The following KRT6A variants were observed in gnomAD, a reference collection of about 807,000 sequenced individuals.
The protein encoded by KRT6A is keratin, type II cytoskeletal 6A.
Under a neutral mutation model 48.6 loss-of-function variants are expected in KRT6A, and 28 were observed. The ratio of observed to expected loss-of-function variants is 0.58; its 90% CI spans 0.43 to 0.79. KRT6A has a LOEUF of 0.79. KRT6A is among the 30% of genes least tolerant of loss of function. The pLI, the probability that KRT6A is intolerant of heterozygous loss-of-function variation, is 0.00. For synonymous variants in KRT6A, 301 were observed against 294.2 expected (o/e 1.02, Z -0.24); for missense variants, 687 against 724.3 (o/e 0.95, Z 0.59).
Position 52,488,108 on chromosome 12 carries a change from G to A in KRT6A, c.1425-5C>T, listed in dbSNP as rs1275995998. Reference sequence around the variant, plus strand: ...CCAACGCCTTCGCCATTCAGCCTGTGGAGAGGAACACAGGGAGGGTGAGAC... The same window carrying A: ...CCAACGCCTTCGCCATTCAGCCTGTAGAGAGGAACACAGGGAGGGTGAGAC... On this transcript the variant is annotated splice_region_variant and splice_polypyrimidine_tract_variant and intron_variant, in intron 7 of 8. Transcript: ENST00000330722. The A allele has an allele frequency of 1.1e-5, 17 of 1,613,912 alleles. No homozygotes were observed. Among genetic ancestry groups the A allele is most frequent in the Admixed American group, 8.3e-5 (5 of 60,000 alleles).
chr12:52,492,719 T>C lies in KRT6A; in HGVS notation c.470A>G (p.Gln157Arg), dbSNP rs769144066. The C allele has an allele frequency of 6.2e-7, 1 of 1,613,966 alleles. No individual in the cohort carries two copies. Among genetic ancestry groups the C allele is most frequent in the South Asian group, 1.1e-5 (1 of 91,044 alleles). The part of the protein sequence containing the change: ...PLNLQIDPTI[Q>R]RVRAEEREQI... ...TTCACGCTCCTCAGCCCGCACCCGC[T>C]GGATGGTGGGATCGATTTGCAGGTT... is the stretch of plus-strand genomic sequence containing the variant. Residue 157 changes from glutamine (Q) to arginine (R), a missense_variant, in exon 1 of 9, where the codon CAG (glutamine) becomes CGG (arginine). Gln to Arg is a conservative substitution (Grantham distance 43). This residue lies in a region of KRT6A where 566 missense variants were observed against 565.3 expected (regional missense o/e 1.00). Transcript: ENST00000330722.
chr12:52,489,089 T>C (rs1350399851), intron 6 of KRT6A, among the ~76,000 whole-genome samples: 1 of 152,216 alleles, frequency 6.6e-6, no homozygotes, highest in Non-Finnish European at 1.5e-5. Context: ...TGTGCTTTCT[T>C]ATCTGCCCTT....
In KRT6A at chr12:52,487,856, C is replaced by T. The variant is rs749077023; in HGVS notation, c.1559G>A (p.Gly520Asp). 3.1e-6 allele frequency: 5 copies of T among 1,614,072 alleles called. No individual in the cohort carries two copies. Among genetic ancestry groups the T allele is most frequent in the Middle Eastern group, 1.7e-4 (1 of 6,058 alleles). The part of the protein sequence containing the change: ...GGGSSYSYGS[G>D]LGVGGGFSSS... ...ACTGAAGCCACCTCCAACGCCAAGA[C>T]CACTGCCATAGGAGTAGCTGCTTCC... The change falls in exon 9 of 9, where the codon GGT becomes GAT. Residue 520 changes from glycine (G) to aspartate (D), a missense_variant. Transcript: ENST00000330722.
chr12:52,488,668 A>G, intron 6 of KRT6A, 120 bp from the exon 7 acceptor site: 2 of 1,275,124 alleles, frequency 1.6e-6, no homozygotes, highest in Non-Finnish European at 2.2e-6. Context: ...ATGAGCTCTG[A>G]CTCTTCCTAT....
chr12:52,487,702 A>T lies in KRT6A; in HGVS notation c.*18T>A, dbSNP rs1375718835. 1.9e-6 allele frequency: 3 copies of T among 1,614,162 alleles called. No individual in the cohort carries two copies. The highest frequency in any genetic ancestry group is 2.5e-6 in the Non-Finnish European group (3 of 1,180,030). ...GAGGGGCCTGAGGACTGTGGGACCG[A>T]GAGCTAGCAGACGCACTTTAGTGCT... On this transcript the variant is annotated 3_prime_UTR_variant, in exon 9 of 9. Transcript: ENST00000330722.
At position 52,488,332 on chromosome 12, in the gene KRT6A, A is replaced by C. The variant is rs1468780100; in HGVS notation, c.1420T>G (p.Cys474Gly). The C allele has an allele frequency of 1.2e-6, 2 of 1,613,382 alleles. No homozygotes were observed. Among genetic ancestry groups the C allele is most frequent in the African/African-American group, 2.7e-5 (2 of 74,674 alleles). Residue 474 changes from cysteine (C) to glycine (G), a missense_variant, in exon 7 of 9, where the codon TGC becomes GGC. This residue lies in a region of KRT6A where 566 missense variants were observed against 565.3 expected (regional missense o/e 1.00). Coordinates refer to ENST00000330722, the MANE Select transcript of KRT6A (RefSeq NM_005554.4). Reference sequence around the variant, plus strand: ...GAGTTCGTGTCAGTTACCCACCTGCACTCCTCACCCTCCAGCAGCTTGCGG... The same window carrying C: ...GAGTTCGTGTCAGTTACCCACCTGCCCTCCTCACCCTCCAGCAGCTTGCGG... ...TYRKLLEGEE[C>G]RLNGEGVGQV...
intron 6 of KRT6A, among the ~76,000 whole-genome samples, chr12:52,489,306 T>G (rs113190747): frequency 0.04 from 6,093 of 152,048 alleles, 302 homozygotes; most frequent in African/African-American, 0.11. Context: ...TGAGACAGAG[T>G]TTTGCTCTGT....
In KRT6A at chr12:52,490,707, G is replaced by T. The variant is rs374415163; in HGVS notation, c.939C>A (p.Ile313=). Residue 313 remains isoleucine (I), a synonymous_variant, in exon 5 of 9, where the codon ATC becomes ATA. Transcript: ENST00000330722. ...DAELSQMQTH[I]SDTSVVLSMD... ...TGGACAGCACCACAGATGTGTCTGA[G>T]ATGTGGGTCTGCATCTGGGACAGCT... The T allele has an allele frequency of 2.9e-4, 466 of 1,614,130 alleles. No individual in the cohort carries two copies. The highest frequency in any genetic ancestry group is 3.8e-4 in the Non-Finnish European group (451 of 1,180,050).
Position 52,490,596 on chromosome 12 carries a change from A to G in KRT6A, c.1050T>C (p.Ala350=). The G allele has an allele frequency of 6.2e-7, 1 of 1,614,180 alleles. No individual in the cohort carries two copies. The highest frequency in any genetic ancestry group is 1.7e-5 in the Admixed American group (1 of 60,032). The change falls in exon 5 of 9, where the codon GCT becomes GCC. Residue 350 remains alanine (A), a synonymous_variant. Coordinates refer to ENST00000330722, the MANE Select transcript of KRT6A (RefSeq NM_005554.4). The part of the protein sequence containing the change: ...QYEEIAQRSR[A]EAESWYQTKY... The stretch of plus-strand genomic sequence containing the variant: ...TGGTCTGGTACCAGGACTCAGCCTC[A>G]GCCCGGCTTCTCTGAGCAATCTCCT...
rs1476817723 is a variant in KRT6A at position 52,490,459 on chromosome 12, G to A, written c.1077+110C>T. Reference sequence around the variant, plus strand: ...TCTAATAGTGCAGAGTGCATGTCCTGTGAGAGGACCCCAGCTTCCTGTCAG... The same window carrying A: ...TCTAATAGTGCAGAGTGCATGTCCTATGAGAGGACCCCAGCTTCCTGTCAG... On this transcript the variant is annotated intron_variant, in intron 5 of 8. Transcript: ENST00000330722. 2.6e-6 allele frequency: 4 copies of A among 1,547,840 alleles called. No homozygotes were observed. The African/African-American group carries it at 5.4e-5, about 21-fold the overall frequency.
In KRT6A at chr12:52,487,446, AC is replaced by A. The variant is rs1565584890; in HGVS notation, c.*273del. 1.9e-6 allele frequency: 1 copy of A among 532,854 alleles called. No individual in the cohort carries two copies. Among genetic ancestry groups the A allele is most frequent in the Non-Finnish European group, 3.4e-6 (1 of 297,484 alleles). 33.0% of individuals were successfully genotyped at this position (532,854 alleles called of 1,614,324 possible). On this transcript the variant is annotated 3_prime_UTR_variant, in exon 9 of 9. Transcript: ENST00000330722. ...TAATGCTCAGCCTCAGAGATAGAAC[AC>A]TGGAGGCAAGAAATTAATAATTTAG...
Position 52,493,088 on chromosome 12 carries a change from C to T in KRT6A, c.101G>A (p.Ser34Asn), listed in dbSNP as rs555709018. The change falls in exon 1 of 9, where the codon AGC becomes AAC. Residue 34 changes from serine to asparagine, a missense_variant. Physicochemically the swap from Ser to Asn is conservative, Grantham distance 46. Transcript: ENST00000330722. ...CCTGGAGCGGGACACGGAGACGCTG[C>T]TGAAGCCAGAGCGGCTGACCCCAGG... ...RLPGVSRSGF[S>N]SVSVSRSRGS... is the part of the protein sequence containing the mutation. 56 of 1,613,868 alleles carry T rather than the reference C, an allele frequency of 3.5e-5. No homozygotes were observed. The South Asian group carries it at 5.8e-4, about 17-fold the overall frequency.
intron 1 of KRT6A, 150 bp downstream of exon 1, chr12:52,492,499 G>C: frequency 7.1e-7 from 1 of 1,400,600 alleles, no homozygotes; most frequent in Non-Finnish European, 1.0e-6. Flanking sequence ...CATCCCTGCT[G>C]CTTGCTGGGC....
rs1430705880 is a variant in KRT6A, at chr12:52,493,054, A to G, written c.135T>C (p.Gly45=). 7.4e-6 allele frequency: 12 copies of G among 1,612,646 alleles called. No homozygotes were observed. The highest frequency in any genetic ancestry group is 1.0e-5 in the Non-Finnish European group (12 of 1,179,960). ...CTCCTCCACATGCACCACCCAGGCC[A>G]CCACTGCCCCTGGAGCGGGACACGG... ...SVSVSRSRGS[G]GLGGACGGAG... Residue 45 remains glycine, a synonymous_variant, in exon 1 of 9, where the codon GGT becomes GGC. Transcript: ENST00000330722.
rs1938167712 is a variant in KRT6A, at chr12:52,487,616, G to T, written c.*104C>A. 7.0e-7 allele frequency: 1 copy of T among 1,422,798 alleles called. No homozygotes were observed. The allele number at this position is 1,422,798 out of a possible 1,614,324, so 88.1% of individuals were successfully genotyped here. A position where few individuals can be genotyped will look rare whatever the true frequency, so the allele number is the denominator to read the frequency against. The stretch of plus-strand genomic sequence containing the variant: ...TCCATACCCAGCTCTACCTGGGACA[G>T]CAGGGGAGACTGGAGGCCAGGAGAG... On this transcript the variant is annotated 3_prime_UTR_variant, in exon 9 of 9. Coordinates refer to ENST00000330722, the MANE Select transcript of KRT6A (RefSeq NM_005554.4).
At position 52,487,958 on chromosome 12, in the gene KRT6A, G is replaced by C; in HGVS notation, c.1460-3C>G. ...GGAGACGGTGGACTGCACCACAGCTGTGATGGGGAGGGGACAAGGACACAA... is the reference window on the plus strand; with the variant it reads ...GGAGACGGTGGACTGCACCACAGCTCTGATGGGGAGGGGACAAGGACACAA... On this transcript the variant is annotated splice_polypyrimidine_tract_variant and splice_region_variant and intron_variant, in intron 8 of 8. Transcript: ENST00000330722. 6.2e-7 allele frequency: 1 copy of C among 1,614,168 alleles called. No individual in the cohort carries two copies. Among genetic ancestry groups the C allele is most frequent in the Non-Finnish European group, 8.5e-7 (1 of 1,179,992 alleles).
At position 52,493,227 on chromosome 12, in the gene KRT6A, G is replaced by C. The variant is rs549239484; in HGVS notation, c.-39C>G. On this transcript the variant is annotated 5_prime_UTR_variant, in exon 1 of 9. Coordinates refer to ENST00000330722, the MANE Select transcript of KRT6A (RefSeq NM_005554.4). ...GAGAGAGCTGAGGAGAGTGTGAGAG[G>C]CTGGAGGAGAGAGGGAAGAGAAGCA... is the stretch of plus-strand genomic sequence containing the variant. 5 of 1,613,910 alleles carry C rather than the reference G, an allele frequency of 3.1e-6. No homozygotes were observed. The African/African-American group carries it at 4.0e-5, about 13-fold the overall frequency.
chr12:52,488,585 G>A (rs746998127), intron 6 of KRT6A, 37 bp from the exon 7 acceptor site: 17 of 1,610,442 alleles, frequency 1.1e-5, no homozygotes, highest in Middle Eastern at 1.6e-4. Context: ...CTTGTCATCC[G>A]GTCTTCCAGA....
At chr12:52,492,153 A>C (rs1460312104) in intron 1 of KRT6A, among the ~76,000 whole-genome samples, 1 of 152,224 alleles carries the variant, frequency 6.6e-6, no homozygotes, top group Non-Finnish European at 1.5e-5. Context: ...CATTTGTGCA[A>C]GTCTCTCCTC....
Sources: allele counts gnomAD v4.1 joint callset (sites outside exome capture counted in the v4.1 genomes callset), GRCh38; gene constraint gnomAD v4.1.1; regional missense constraint gnomAD v4.1.1; transcripts MANE v1.5; gene names NCBI Gene and HGNC (gene_info 2026-07-23, HGNC 2026-07-21).